Variants in ZDHHC1 observed in about 807,000 individuals in gnomAD.
ZDHHC1 encodes the protein zDHHC palmitoyltransferase 1.
In ZDHHC1, 45 loss-of-function variants were observed where a neutral mutation model predicts 46.9. The ratio of observed to expected loss-of-function variants is 0.96; its 90% CI spans 0.76 to 1.23. The LOEUF (loss-of-function observed/expected upper bound fraction) is 1.23. Among genes scored for constraint, ZDHHC1 ranks in the 50% most tolerant of loss-of-function variants. The probability of loss-of-function intolerance (pLI) is 0.00; values close to 1 mark genes in which losing one functional copy is unlikely to be tolerated. For missense variants in ZDHHC1, 649 were observed against 670.8 expected, an observed-to-expected ratio of 0.97 and a Z score of 0.36; for synonymous variants, 291 against 286.0, an observed-to-expected ratio of 1.02 and a Z score of -0.18.
At position 67,397,963 on chromosome 16, in the gene ZDHHC1, C is replaced by T. The variant is rs1597532887; in HGVS notation, c.927+249G>A. On this transcript the variant is annotated intron_variant, in intron 8 of 11. Coordinates refer to ENST00000565726, the MANE Select transcript of ZDHHC1 (RefSeq NM_001323627.2). ...CAACCTGCTTGCTTCCAGGCTCCCA[C>T]ATCCCATGCCCTCCCGCGCATGCTT... 4.6e-5 allele frequency among the ~76,000 whole-genome samples: 7 copies of T among 152,354 alleles called. 1 individual carries two copies. Among genetic ancestry groups the T allele is most frequent in the African/African-American group, 1.4e-4 (6 of 41,586 alleles).
At chr16:67,413,044 C>G (rs2142265069) in intron 1 of ZDHHC1, among the ~76,000 whole-genome samples, 1 of 151,586 alleles carries the variant, frequency 6.6e-6, no homozygotes, top group South Asian at 2.1e-4. Context: ...CTCAGGTGAT[C>G]CACCCGCCTC....
In ZDHHC1 at chr16:67,399,399, G is replaced by A. The variant is rs377494225; in HGVS notation, c.486C>T (p.His162=). 2 of 1,613,290 alleles carry A rather than the reference G, an allele frequency of 1.2e-6. No homozygotes were observed. Among genetic ancestry groups the A allele is most frequent in the Non-Finnish European group, 1.7e-6 (2 of 1,179,862 alleles). The stretch of plus-strand genomic sequence containing the variant: ...CACAGTTGTTGAGCCACTTGCAGTG[G>A]TGGTCGAAACCGCACACGCACTTGT... The part of the protein sequence containing the change: ...ACNKCVCGFD[H]HCKWLNNCVG... The change falls in exon 5 of 12, where the codon CAC becomes CAT. Residue 162 remains histidine (H), a synonymous_variant. Coordinates refer to ENST00000565726, the MANE Select transcript of ZDHHC1 (RefSeq NM_001323627.2).
chr16:67,406,289 C>T lies in ZDHHC1; in HGVS notation c.163G>A (p.Ala55Thr). Residue 55 changes from alanine (A) to threonine (T), a missense_variant, in exon 3 of 12, where the codon GCC becomes ACC. By Grantham distance (58) the Ala-to-Thr change is moderately conservative (BLOSUM62 0). Transcript: ENST00000565726. The surrounding 1 kb of genome is among the most constrained non-coding windows in gnomAD (Gnocchi z 4.1). ...GCAAAGAAGAGGTACAGCAGCCAGG[C>T]CACAATCTGGAGCGGGTGAGGGGGC... ...SWPPHPLQIV[A>T]WLLYLFFAVI... 6.2e-7 allele frequency: 1 copy of T among 1,609,714 alleles called. No homozygotes were observed. Among genetic ancestry groups the T allele is most frequent in the Non-Finnish European group, 8.5e-7 (1 of 1,178,292 alleles).
At chr16:67,412,930 A>G (rs1260531745) in intron 1 of ZDHHC1, among the ~76,000 whole-genome samples, 1 of 151,216 alleles carries the variant, frequency 6.6e-6, no homozygotes, top group Non-Finnish European at 1.5e-5. Context: ...CCTCCCGAGT[A>G]GCTGGGATTA....
rs891801443 is a variant in ZDHHC1, at chr16:67,394,871, G to A, written c.1188C>T (p.Arg396=). 1.0e-5 allele frequency: 16 copies of A among 1,567,982 alleles called. 1 individual carries two copies. The African/African-American group carries it at 1.9e-4, about 19-fold the overall frequency. ...CCGCGGAATCCGTCGACGAGCTGGA[G>A]CGGCGGCTGGGGGCCCTAGGCCCTG... is the stretch of plus-strand genomic sequence containing the variant. ...PASGPRAPSR[R]SSSSTDSADA... The change falls in exon 12 of 12, where the codon CGC becomes CGT. Residue 396 remains arginine (R), a synonymous_variant. Coordinates refer to ENST00000565726, the MANE Select transcript of ZDHHC1 (RefSeq NM_001323627.2).
intron 3 of ZDHHC1, among the ~76,000 whole-genome samples, chr16:67,403,113 G>C (rs912331194): frequency 1.3e-5 from 2 of 152,194 alleles, no homozygotes; most frequent in Non-Finnish European, 2.9e-5. Flanking sequence ...AAGAGGAAAG[G>C]GGGCCTGGCT....
chr16:67,409,312 C>G (rs150472939), intron 1 of ZDHHC1, among the ~76,000 whole-genome samples: 45 of 151,372 alleles, frequency 3.0e-4, no homozygotes, highest in African/African-American at 9.8e-4. Flanking sequence ...CCCTGATACT[C>G]CAAATCAGGA....
At position 67,406,561 on chromosome 16, in the gene ZDHHC1, G is replaced by A; in HGVS notation, c.10-119C>T. ...AGTAGGCTGCGACAGCTACTCTGCTGGGGAAACTGGGGTCCTAGCACAATA... is the reference window on the plus strand; with the variant it reads ...AGTAGGCTGCGACAGCTACTCTGCTAGGGAAACTGGGGTCCTAGCACAATA... On this transcript the variant is annotated intron_variant, in intron 2 of 11. Transcript: ENST00000565726. The surrounding 1 kb of genome is among the most constrained non-coding windows in gnomAD (Gnocchi z 4.1). 5 of 1,257,162 alleles carry A rather than the reference G, an allele frequency of 4.0e-6. No homozygotes were observed. Among genetic ancestry groups the A allele is most frequent in the Non-Finnish European group, 5.3e-6 (5 of 940,682 alleles). 77.9% of individuals were successfully genotyped at this position (1,257,162 alleles called of 1,614,324 possible). A position where few individuals can be genotyped will look rare whatever the true frequency, so the allele number is the denominator to read the frequency against.
chr16:67,416,128 C>T (rs567332002), intron 1 of ZDHHC1, 43 bp downstream of exon 1: 1 of 152,406 alleles, frequency 6.6e-6, no homozygotes, highest in South Asian at 2.1e-4. Flanking sequence ...CCCCGTGGCT[C>T]AAGCCAGGCT....
intron 8 of ZDHHC1, 29 bp downstream of exon 8, chr16:67,398,183 G>C: frequency 3.2e-5 from 48 of 1,523,658 alleles, no homozygotes; most frequent in Non-Finnish European, 4.1e-5. Context: ...CCCACACCCA[G>C]GCCCCCTCCC....
chr16:67,395,411 C>A, intron 9 of ZDHHC1, 73 bp downstream of exon 9: 2 of 1,543,192 alleles, frequency 1.3e-6, no homozygotes, highest in South Asian at 2.4e-5. Context: ...TTAGCCTACC[C>A]CCTTCTCCTG....
intron 1 of ZDHHC1, among the ~76,000 whole-genome samples, chr16:67,412,663 C>G (rs2040766385): frequency 6.6e-6 from 1 of 152,222 alleles, no homozygotes; most frequent in Non-Finnish European, 1.5e-5. Context: ...TCATCCTTGG[C>G]CACAGCCAAC....
At chr16:67,399,578 G>T in intron 4 of ZDHHC1, 122 bp from the exon 5 acceptor site, 1 of 766,574 alleles carries the variant, frequency 1.3e-6, no homozygotes, top group Non-Finnish European at 2.0e-6. Context: ...ACAGCCCCGA[G>T]CGAGGCGACG....
At chr16:67,413,233 C>G (rs2040779133) in intron 1 of ZDHHC1, among the ~76,000 whole-genome samples, 1 of 152,168 alleles carries the variant, frequency 6.6e-6, no homozygotes. Context: ...GTGTAAACAA[C>G]CGTGCCCAGT....
chr16:67,394,896 G>A lies in ZDHHC1; in HGVS notation c.1166-3C>T, dbSNP rs768908466. 18 of 1,563,034 alleles carry A rather than the reference G, an allele frequency of 1.2e-5. No homozygotes were observed. The South Asian group carries it at 2.1e-4, about 18-fold the overall frequency. ...GCGGCGGCTGGGGGCCCTAGGCCCTGCGCAAGGGAAGGGAACATGAGCCCA... is the reference window on the plus strand; with the variant it reads ...GCGGCGGCTGGGGGCCCTAGGCCCTACGCAAGGGAAGGGAACATGAGCCCA... On this transcript the variant is annotated splice_region_variant and splice_polypyrimidine_tract_variant and intron_variant, in intron 11 of 11. Coordinates refer to ENST00000565726, the MANE Select transcript of ZDHHC1 (RefSeq NM_001323627.2).
chr16:67,404,747 A>C (rs2040621957), intron 3 of ZDHHC1: 1 of 455,738 alleles, frequency 2.2e-6, no homozygotes, highest in African/African-American at 2.0e-5. Flanking sequence ...ATACCTCCTT[A>C]AGGATTACAA....
At chr16:67,399,128 C>CCCA (rs1187866315) in intron 5 of ZDHHC1, among the ~76,000 whole-genome samples, 184 bp from the exon 6 acceptor site, 1 of 152,168 alleles carries the variant, frequency 6.6e-6, no homozygotes, top group Non-Finnish European at 1.5e-5. Flanking sequence ...CATCAGGCAG[C>CCCA]CCACATTTCT....
intron 2 of ZDHHC1, among the ~76,000 whole-genome samples, chr16:67,407,407 C>T (rs2040680939): frequency 6.6e-6 from 1 of 152,228 alleles, no homozygotes; most frequent in Admixed American, 6.5e-5. Flanking sequence ...GGTAGCTGAA[C>T]TCTCCTTTCA....
intron 1 of ZDHHC1, among the ~76,000 whole-genome samples, chr16:67,408,215 G>A (rs1472756478): frequency 6.6e-6 from 1 of 152,106 alleles, no homozygotes; most frequent in Non-Finnish European, 1.5e-5. Context: ...GCCCAGGCTG[G>A]AGTGCAGTGG....
Sources: gnomAD v4.1 joint callset for allele counts (sites outside exome capture counted in the v4.1 genomes callset) on GRCh38, gnomAD v4.1.1 for gene constraint, Gnocchi (gnomAD v3.1) non-coding constraint, MANE v1.5 for transcripts, NCBI Gene and HGNC (gene_info 2026-07-23, HGNC 2026-07-21) for gene names.